RBM47: variants seen among roughly 807,000 people sequenced by gnomAD.
RBM47 encodes the protein RNA-binding protein 47.
RBM47 carries 21 observed loss-of-function variants against 47.1 expected under a neutral mutation model. That is an observed-to-expected ratio of 0.45 (90% CI 0.32 to 0.64). The LOEUF (loss-of-function observed/expected upper bound fraction) is 0.64, where lower values mean the gene tolerates loss of function less well. Ranked by LOEUF, RBM47 falls within the 30% of genes least tolerant of loss-of-function variation. The pLI is 0.05. For synonymous variants in RBM47, 375 were observed against 361.7 expected (o/e 1.04, Z -0.42); for missense variants, 708 against 870.9 (o/e 0.81, Z 2.35).
chr4:40,468,373 T>C (rs1301609759), intron 2 of RBM47, among the ~76,000 whole-genome samples: 2 of 152,250 alleles, frequency 1.3e-5, no homozygotes, highest in South Asian at 4.1e-4. Flanking sequence ...TGTTTTTTCT[T>C]TGTGTTTTAG....
At chr4:40,609,732 C>G (rs934669770) in intron 1 of RBM47, among the ~76,000 whole-genome samples, 1 of 152,160 alleles carries the variant, frequency 6.6e-6, no homozygotes, top group Admixed American at 6.6e-5. Flanking sequence ...CCTCATCTCT[C>G]TCTAGGTTCC....
At chr4:40,587,690 T>A (rs1733723632) in intron 1 of RBM47, among the ~76,000 whole-genome samples, 1 of 152,162 alleles carries the variant, frequency 6.6e-6, no homozygotes, top group African/African-American at 2.4e-5. Flanking sequence ...AGCCTTGGTT[T>A]CTCTATCTAG....
intron 1 of RBM47, among the ~76,000 whole-genome samples, chr4:40,613,949 C>T (rs1368518359): frequency 6.6e-6 from 1 of 151,950 alleles, no homozygotes; most frequent in African/African-American, 2.4e-5. Flanking sequence ...AGCAGTACAC[C>T]TGGCCTTTAC....
At chr4:40,439,178 T>C (rs1342680586) in intron 3 of RBM47, among the ~76,000 whole-genome samples, 1 of 152,212 alleles carries the variant, frequency 6.6e-6, no homozygotes, top group African/African-American at 2.4e-5. Flanking sequence ...TACTTCCATT[T>C]CATCAGTACC....
rs572323834 is a variant in RBM47 at position 40,425,261 on chromosome 4, G to C, written c.*643C>G. On this transcript the variant is annotated 3_prime_UTR_variant, in exon 7 of 7. Transcript: ENST00000295971. ...AGTGCGGCAAGTCTTTTCAATGTTG[G>C]CTTAAGGAGAGATCCAGTGTTTAAT... The C allele has an allele frequency of 2.4e-4, 36 of 152,724 alleles. No individual in the cohort carries two copies. The highest frequency in any genetic ancestry group is 8.4e-4 in the African/African-American group (35 of 41,540). The allele number at this position is 152,724 out of a possible 1,614,324, so 9.5% of individuals were successfully genotyped here.
chr4:40,485,975 G>A (rs1348299098), intron 2 of RBM47, among the ~76,000 whole-genome samples: 1 of 150,364 alleles, frequency 6.7e-6, no homozygotes, highest in African/African-American at 2.5e-5. Context: ...GGGGTGTGAG[G>A]TGGGAGAACT....
chr4:40,507,312 C>T (rs912844448), intron 2 of RBM47, among the ~76,000 whole-genome samples: 5 of 150,902 alleles, frequency 3.3e-5, no homozygotes, highest in African/African-American at 1.2e-4. Flanking sequence ...TCCCAGGAAA[C>T]TTCTCAGTAA....
intron 2 of RBM47, among the ~76,000 whole-genome samples, chr4:40,525,627 G>A (rs1247241295): frequency 6.6e-6 from 1 of 151,918 alleles, no homozygotes; most frequent in Non-Finnish European, 1.5e-5. Flanking sequence ...GGAAAGAATG[G>A]GACAAAGAGA....
chr4:40,554,734 T>TC (rs1024261140), intron 1 of RBM47, among the ~76,000 whole-genome samples: 1 of 150,634 alleles, frequency 6.6e-6, no homozygotes, highest in African/African-American at 2.4e-5. Flanking sequence ...CTTCCTCCCT[T>TC]CCCCCCATCT....
chr4:40,526,789 C>CTTTTTT (rs540484622), intron 2 of RBM47, among the ~76,000 whole-genome samples: 2 of 61,592 alleles, frequency 3.2e-5, no homozygotes, highest in Non-Finnish European at 5.8e-5. Flanking sequence ...CAGTTTGGTT[C>CTTTTTT]TTTTTTTTTT....
At chr4:40,495,235 C>A (rs1722414483) in intron 2 of RBM47, among the ~76,000 whole-genome samples, 2 of 152,190 alleles carry the variant, frequency 1.3e-5, no homozygotes, top group Admixed American at 1.3e-4. Context: ...CCATAGAAAT[C>A]TCAACTGATC....
rs1312369564 is a variant in RBM47, at chr4:40,466,701, T to C, written c.-154-2A>G. 1 of 137,872 alleles carries C rather than the reference T, an allele frequency of 7.3e-6. No individual in the cohort carries two copies. Among genetic ancestry groups the C allele is most frequent in the Non-Finnish European group, 1.5e-5 (1 of 65,376 alleles). 8.5% of individuals were successfully genotyped at this position (137,872 alleles called of 1,614,324 possible). On this transcript the variant is annotated splice_acceptor_variant, in intron 2 of 6. Transcript: ENST00000295971. LOFTEE classifies it low-confidence loss of function (5UTR_SPLICE). ...TTGCAGTGCCCTTTGAGGCAAATCC[T>C]AAGGGTTAAAAAAGAAATGGTTAGA...
intron 1 of RBM47, among the ~76,000 whole-genome samples, chr4:40,560,159 G>A (rs1052415334): frequency 6.6e-6 from 1 of 152,190 alleles, no homozygotes; most frequent in African/African-American, 2.4e-5. Flanking sequence ...CAGTTGTCAG[G>A]AATTTCCTAA....
At chr4:40,589,349 G>A (rs1047963423) in intron 1 of RBM47, among the ~76,000 whole-genome samples, 3 of 152,168 alleles carry the variant, frequency 2.0e-5, no homozygotes, top group African/African-American at 7.2e-5. Context: ...AACTGTGTGA[G>A]GGTTGCACAT....
intron 2 of RBM47, among the ~76,000 whole-genome samples, chr4:40,494,448 T>G (rs541096172): frequency 6.6e-6 from 1 of 152,186 alleles, no homozygotes; most frequent in Non-Finnish European, 1.5e-5. Flanking sequence ...AGCAATATCT[T>G]GCTAAATCTA....
intron 1 of RBM47, among the ~76,000 whole-genome samples, chr4:40,617,803 C>T (rs757053894): frequency 6.6e-6 from 1 of 151,066 alleles, no homozygotes; most frequent in Admixed American, 6.6e-5. Context: ...CCCCCAACCC[C>T]CTTTCCCCAT....
rs201577476 is a variant in RBM47, at chr4:40,432,907, C to T, written c.1331-45G>A. The T allele has an allele frequency of 1.6e-3, 2,608 of 1,607,030 alleles. 2 individuals are homozygous for T. Among genetic ancestry groups the T allele is most frequent in the Non-Finnish European group, 2.1e-3 (2,426 of 1,178,270 alleles). ...GAAAAACAGGTCAATCACTTTCAGTCGCTGAGTGGGGTCCAGCACTTGCTC... is the reference window on the plus strand; with the variant it reads ...GAAAAACAGGTCAATCACTTTCAGTTGCTGAGTGGGGTCCAGCACTTGCTC... On this transcript the variant is annotated intron_variant, in intron 5 of 6. Coordinates refer to ENST00000295971, the MANE Select transcript of RBM47 (RefSeq NM_001098634.2).
At chr4:40,432,341 AAT>A (rs1283991564) in intron 6 of RBM47, among the ~76,000 whole-genome samples, 2 of 152,134 alleles carry the variant, frequency 1.3e-5, no homozygotes, top group East Asian at 3.8e-4. Flanking sequence ...GCTCTTTAAC[AAT>A]ATGAGCTAAA....
intron 3 of RBM47, among the ~76,000 whole-genome samples, chr4:40,440,795 A>C (rs1158530710): frequency 6.6e-6 from 1 of 152,226 alleles, no homozygotes; most frequent in Non-Finnish European, 1.5e-5. Flanking sequence ...AACCTCATTA[A>C]GTTTAGAGGA....
Sources: allele counts gnomAD v4.1 joint callset (sites outside exome capture counted in the v4.1 genomes callset), GRCh38; gene constraint gnomAD v4.1.1; transcripts MANE v1.5; gene names NCBI Gene and HGNC (gene_info 2026-07-23, HGNC 2026-07-21).